GPR39: variants seen among roughly 807,000 people sequenced by gnomAD.
The protein encoded by GPR39 is zinc sensing receptor.
In GPR39, 23 loss-of-function variants were observed where a neutral mutation model predicts 18.4. That is an observed-to-expected ratio of 1.25 (90% CI 0.90 to 1.77). The LOEUF (loss-of-function observed/expected upper bound fraction) is 1.77. Ranked by LOEUF, GPR39 falls within the 40% of genes most tolerant of loss-of-function variation. The pLI is 0.00. For synonymous variants in GPR39, 280 were observed against 257.9 expected, an observed-to-expected ratio of 1.09 and a Z score of -0.82; for missense variants, 647 against 602.4, an observed-to-expected ratio of 1.07 and a Z score of -0.78.
chr2:132,561,088 A>AT (rs113078442), intron 1 of GPR39, among the ~76,000 whole-genome samples: 11,011 of 143,682 alleles, frequency 0.077, 1,341 homozygotes, highest in African/African-American at 0.26. Context: ...TAAATTTTGT[A>AT]TTTTTTTTTT....
At chr2:132,558,027 C>A (rs1680186431) in intron 1 of GPR39, among the ~76,000 whole-genome samples, 1 of 152,014 alleles carries the variant, frequency 6.6e-6, no homozygotes, top group African/African-American at 2.4e-5. Flanking sequence ...TTGTCCCTAA[C>A]AGCTAGGAAA....
chr2:132,440,145 G>A (rs1471841533), intron 1 of GPR39, among the ~76,000 whole-genome samples: 2 of 152,180 alleles, frequency 1.3e-5, no homozygotes, highest in African/African-American at 2.4e-5. Flanking sequence ...CCCCTGTGCT[G>A]ATGGTAGGTC....
At chr2:132,456,395 T>C (rs541141487) in intron 1 of GPR39, among the ~76,000 whole-genome samples, 1 of 152,188 alleles carries the variant, frequency 6.6e-6, no homozygotes, top group Non-Finnish European at 1.5e-5. Flanking sequence ...ATGGGTCTCC[T>C]GAATACAGCA....
At chr2:132,502,195 G>T (rs1418435329) in intron 1 of GPR39, among the ~76,000 whole-genome samples, 3 of 152,094 alleles carry the variant, frequency 2.0e-5, no homozygotes, top group Non-Finnish European at 4.4e-5. Context: ...GCTTTAAGAA[G>T]GTTCTATTTT....
intron 1 of GPR39, among the ~76,000 whole-genome samples, chr2:132,514,690 C>T (rs186509818): frequency 7.2e-5 from 11 of 152,188 alleles, no homozygotes; most frequent in South Asian, 4.1e-4. Context: ...CTCTCTACAC[C>T]GTGGAAGAGA....
intron 1 of GPR39, among the ~76,000 whole-genome samples, chr2:132,611,166 G>A (rs1198873011): frequency 1.3e-5 from 2 of 152,158 alleles, no homozygotes; most frequent in African/African-American, 2.4e-5. Context: ...TAATTCTCTG[G>A]GGGAGAACAC....
chr2:132,625,529 C>T (rs1457656128), intron 1 of GPR39, among the ~76,000 whole-genome samples: 4 of 151,980 alleles, frequency 2.6e-5, no homozygotes, highest in South Asian at 2.1e-4. Context: ...TCCAGTTTTA[C>T]GAAGATTTAA....
intron 1 of GPR39, chr2:132,604,993 A>G (rs1024686966): frequency 1.2e-4 from 18 of 152,216 alleles, no homozygotes; most frequent in African/African-American, 4.1e-4. Context: ...AGTGCTTTAC[A>G]TATTCATTTA....
intron 1 of GPR39, among the ~76,000 whole-genome samples, chr2:132,526,828 T>C (rs1679523051): frequency 6.6e-6 from 1 of 152,254 alleles, no homozygotes; most frequent in Non-Finnish European, 1.5e-5. Flanking sequence ...CATTTGCACT[T>C]TAGCAAATGT....
At position 132,494,328 on chromosome 2, in the gene GPR39, A is replaced by G. The variant is rs557267472; in HGVS notation, c.856+76430A>G. Among the ~76,000 whole-genome samples, 24 of 152,262 alleles carry G rather than the reference A, an allele frequency of 1.6e-4. No individual in the cohort carries two copies. The Middle Eastern group carries it at 0.014, about 86-fold the overall frequency. ...CTAGCCTCTCCTTTCAACTAATGAC[A>G]TGAACGTGTTTATTGCCCATCTCTT... On this transcript the variant is annotated intron_variant, in intron 1 of 1. Coordinates refer to ENST00000329321, the MANE Select transcript of GPR39 (RefSeq NM_001508.3).
In GPR39 at chr2:132,627,271, G is replaced by T. The variant is rs148194736; in HGVS notation, c.857-17830G>T. 3.6e-3 allele frequency among the ~76,000 whole-genome samples: 551 copies of T among 152,246 alleles called. 1 individual carries two copies. Among genetic ancestry groups the T allele is most frequent in the Non-Finnish European group, 6.2e-3 (420 of 68,030 alleles). The stretch of plus-strand genomic sequence containing the variant: ...AGCTGGAGGGATTGTCAGGGACAAT[G>T]GCTCCCCAGAACATCGGGTACTCTT... On this transcript the variant is annotated intron_variant, in intron 1 of 1. Transcript: ENST00000329321.
rs115334538 is a variant in GPR39 at position 132,491,840 on chromosome 2, C to T, written c.856+73942C>T. Among the ~76,000 whole-genome samples the T allele has an allele frequency of 3.8e-3, 578 of 151,960 alleles. 1 individual carries two copies. Among genetic ancestry groups the T allele is most frequent in the Admixed American group, 7.0e-3 (107 of 15,266 alleles). On this transcript the variant is annotated intron_variant, in intron 1 of 1. Coordinates refer to ENST00000329321, the MANE Select transcript of GPR39 (RefSeq NM_001508.3). ...AGCCACACAACTTCTTTGTGCCTCA[C>T]TCCCCTCCCCTGTGGAAGGTAGATG...
intron 1 of GPR39, among the ~76,000 whole-genome samples, chr2:132,537,235 C>T (rs989427764): frequency 6.6e-6 from 1 of 152,140 alleles, no homozygotes; most frequent in Admixed American, 6.6e-5. Flanking sequence ...TTTAGTGCTT[C>T]CTTGAGGAGC....
rs1681193991 is a variant in GPR39, at chr2:132,479,641, C to G, written c.856+61743C>G. ...ACTATCAGAAAAATTCAAATCCAAA[C>G]CACAATGTGATACCACCTCATACCT... On this transcript the variant is annotated intron_variant, in intron 1 of 1. Coordinates refer to ENST00000329321, the MANE Select transcript of GPR39 (RefSeq NM_001508.3). 1.3e-5 allele frequency among the ~76,000 whole-genome samples: 2 copies of G among 152,106 alleles called. 1 individual carries two copies. Among genetic ancestry groups the G allele is most frequent in the Admixed American group, 1.3e-4 (2 of 15,276 alleles).
intron 1 of GPR39, among the ~76,000 whole-genome samples, chr2:132,593,818 G>T (rs12616373): frequency 5.9e-5 from 9 of 151,766 alleles, no homozygotes; most frequent in East Asian, 2.0e-4. Flanking sequence ...AGATATTTGA[G>T]GCTGCAAGTC....
chr2:132,582,566 A>C (rs1558847501), intron 1 of GPR39, among the ~76,000 whole-genome samples: 1 of 152,168 alleles, frequency 6.6e-6, no homozygotes, highest in Non-Finnish European at 1.5e-5. Flanking sequence ...AGCCTTACAG[A>C]GCCACAGAGC....
intron 1 of GPR39, among the ~76,000 whole-genome samples, chr2:132,453,234 A>G (rs1236851050): frequency 6.6e-6 from 1 of 152,218 alleles, no homozygotes; most frequent in African/African-American, 2.4e-5. Flanking sequence ...ATGACCAGTG[A>G]TGATGAGCAT....
At chr2:132,435,991 G>A (rs182651092) in intron 1 of GPR39, among the ~76,000 whole-genome samples, 91 of 152,298 alleles carry the variant, frequency 6.0e-4, no homozygotes, top group African/African-American at 2.0e-3. Flanking sequence ...CCCAGGAAGG[G>A]CAATTCCTGA....
intron 1 of GPR39, among the ~76,000 whole-genome samples, chr2:132,644,560 C>T (rs1289479638): frequency 1.3e-5 from 2 of 152,220 alleles, no homozygotes; most frequent in Non-Finnish European, 2.9e-5. Flanking sequence ...CCTGACTTTG[C>T]TTCCCCTGAA....
Sources: gnomAD v4.1 joint callset for allele counts (sites outside exome capture counted in the v4.1 genomes callset) on GRCh38, gnomAD v4.1.1 for gene constraint, MANE v1.5 for transcripts, NCBI Gene and HGNC (gene_info 2026-07-23, HGNC 2026-07-21) for gene names.